MEIS2: variants seen among roughly 807,000 people sequenced by gnomAD.
MEIS2 encodes the protein homeobox protein Meis2.
Under a neutral mutation model 58.6 loss-of-function variants are expected in MEIS2, and 9 were observed. That is an observed-to-expected ratio of 0.15 (90% CI 0.09 to 0.27). The LOEUF (loss-of-function observed/expected upper bound fraction) is 0.27, where lower values mean the gene tolerates loss of function less well. Among genes scored for constraint, MEIS2 ranks in the 10% least tolerant of loss-of-function variants. The probability of loss-of-function intolerance (pLI) is 1.00; values close to 1 mark genes in which losing one functional copy is unlikely to be tolerated. For synonymous variants in MEIS2, 221 were observed against 228.4 expected (o/e 0.97, Z 0.29); for missense variants, 427 against 635.0 (o/e 0.67, Z 3.52).
chr15:36,949,789 C>A (rs571561699), intron 9 of MEIS2, among the ~76,000 whole-genome samples: 1 of 151,948 alleles, frequency 6.6e-6, no homozygotes, highest in Non-Finnish European at 1.5e-5. Context: ...GTCCATACAC[C>A]AGCACGGGAG....
At chr15:37,016,165 A>G (rs2061343809) in intron 8 of MEIS2, among the ~76,000 whole-genome samples, 1 of 152,196 alleles carries the variant, frequency 6.6e-6, no homozygotes. Context: ...CCCTGAAACA[A>G]CAAAGAATGA....
chr15:37,048,451 A>G (rs2141792655), intron 7 of MEIS2, among the ~76,000 whole-genome samples: 1 of 152,222 alleles, frequency 6.6e-6, no homozygotes, highest in Middle Eastern at 3.7e-3. Context: ...CAAATTTGCT[A>G]TCTAAAACAA....
rs147328726 is a variant in MEIS2, at chr15:36,951,999, T to G, written c.901-1599A>C. On this transcript the variant is annotated intron_variant, in intron 8 of 11. Coordinates refer to ENST00000561208, the MANE Select transcript of MEIS2 (RefSeq NM_170675.5). ...CATCCTATGAGGCTGCTTTGGTCAC[T>G]CACACTCATTCCTGGTCATCAATCG... is the stretch of plus-strand genomic sequence containing the variant. Among the ~76,000 whole-genome samples, 126 of 152,288 alleles carry G rather than the reference T, an allele frequency of 8.3e-4. 1 individual carries two copies. The highest frequency in any genetic ancestry group is 2.2e-3 in the Admixed American group (33 of 15,292).
At chr15:37,010,150 C>T (rs546725709) in intron 8 of MEIS2, among the ~76,000 whole-genome samples, 67 of 148,006 alleles carry the variant, frequency 4.5e-4, no homozygotes, top group African/African-American at 1.5e-3. Context: ...TGCAGTGGCG[C>T]GATCTCGGCT....
At chr15:37,020,022 G>C (rs1279922553) in intron 8 of MEIS2, among the ~76,000 whole-genome samples, 1 of 152,128 alleles carries the variant, frequency 6.6e-6, no homozygotes, top group Non-Finnish European at 1.5e-5. Flanking sequence ...AGCCCTACGA[G>C]GACTCAGCTA....
chr15:36,976,998 T>C, intron 8 of MEIS2, among the ~76,000 whole-genome samples: 1 of 152,090 alleles, frequency 6.6e-6, no homozygotes, highest in East Asian at 1.9e-4. Context: ...TGGTGGCGCA[T>C]GCCTCTAATC....
intron 8 of MEIS2, among the ~76,000 whole-genome samples, chr15:36,998,436 G>A (rs3923067): frequency 0.32 from 48,000 of 151,110 alleles, 8,647 homozygotes; most frequent in Non-Finnish European, 0.41. Context: ...GCTCAGGCTG[G>A]TCTCAAACTC....
chr15:36,984,174 G>A (rs1289144038), intron 8 of MEIS2, among the ~76,000 whole-genome samples: 1 of 151,764 alleles, frequency 6.6e-6, no homozygotes, highest in Non-Finnish European at 1.5e-5. Flanking sequence ...AAGATTTCCA[G>A]TACTAGGTTG....
chr15:37,002,796 A>T (rs2060780844), intron 8 of MEIS2, among the ~76,000 whole-genome samples: 1 of 152,190 alleles, frequency 6.6e-6, no homozygotes, highest in Non-Finnish European at 1.5e-5. Context: ...TATTTCCATT[A>T]TATAGTTGCA....
At chr15:37,085,201 CCAAT>C (rs919362157) in intron 6 of MEIS2, among the ~76,000 whole-genome samples, 7 of 151,838 alleles carry the variant, frequency 4.6e-5, no homozygotes, top group African/African-American at 7.3e-5. Context: ...ACTAAAAAAA[CCAAT>C]CAAAGTATAC....
chr15:36,923,359 A>G (rs907785239), intron 9 of MEIS2, among the ~76,000 whole-genome samples: 4 of 150,818 alleles, frequency 2.7e-5, no homozygotes, highest in African/African-American at 4.9e-5. Flanking sequence ...TTTTTGTCAT[A>G]TATGTTCATT....
chr15:37,022,738 GAGCAATTCA>G (rs1242348237), intron 8 of MEIS2, among the ~76,000 whole-genome samples: 1 of 152,050 alleles, frequency 6.6e-6, no homozygotes, highest in African/African-American at 2.4e-5. Flanking sequence ...TCCCAGGAGG[GAGCAATTCA>G]AGCAATTCAA....
intron 8 of MEIS2, among the ~76,000 whole-genome samples, chr15:36,999,995 T>C (rs2141593299): frequency 6.6e-6 from 1 of 152,340 alleles, no homozygotes; most frequent in Non-Finnish European, 1.5e-5. Context: ...GCAATGTTCT[T>C]CCTACCTCCC....
chr15:37,006,408 G>A (rs2060925101), intron 8 of MEIS2, among the ~76,000 whole-genome samples: 1 of 152,150 alleles, frequency 6.6e-6, no homozygotes, highest in African/African-American at 2.4e-5. Context: ...TCTATTATCT[G>A]GAGAAATTAA....
chr15:37,097,911 C>G (rs768122628), intron 2 of MEIS2, 56 bp downstream of exon 2: 63 of 1,518,532 alleles, frequency 4.1e-5, no homozygotes, highest in Non-Finnish European at 5.6e-5. Context: ...CCCACAGAGA[C>G]AAACACACAC....
intron 7 of MEIS2, among the ~76,000 whole-genome samples, chr15:37,078,619 A>AAAAAAAAAAAAAAAAAC (rs1891766596): frequency 6.7e-6 from 1 of 149,718 alleles, no homozygotes; most frequent in African/African-American, 2.4e-5. Context: ...AAAAAAAAAA[A>AAAAAAAAAAAAAAAAAC]AAAAAAAAAA....
intron 8 of MEIS2, among the ~76,000 whole-genome samples, chr15:36,952,297 C>T (rs148438943): frequency 6.6e-6 from 1 of 152,088 alleles, no homozygotes; most frequent in African/African-American, 2.4e-5. Flanking sequence ...TGGCATTTTC[C>T]TGCCAAATTC....
intron 7 of MEIS2, among the ~76,000 whole-genome samples, chr15:37,038,556 C>T (rs2062261110): frequency 6.6e-6 from 1 of 152,184 alleles, no homozygotes; most frequent in East Asian, 1.9e-4. Context: ...ACTGACAGGC[C>T]ACTTCATTAC....
At chr15:36,910,659 T>C (rs1446221883) in intron 9 of MEIS2, among the ~76,000 whole-genome samples, 1 of 152,194 alleles carries the variant, frequency 6.6e-6, no homozygotes, top group African/African-American at 2.4e-5. Flanking sequence ...GGGCTCTTGT[T>C]TATATCTAAC....
Sources: allele counts gnomAD v4.1 joint callset (sites outside exome capture counted in the v4.1 genomes callset), GRCh38; gene constraint gnomAD v4.1.1; transcripts MANE v1.5; gene names NCBI Gene and HGNC (gene_info 2026-07-23, HGNC 2026-07-21).